GALNS: variants seen among roughly 807,000 people sequenced by gnomAD.
The protein encoded by GALNS is galactosamine (N-acetyl)-6-sulfatase.
GALNS carries 65 observed loss-of-function variants against 65.9 expected under a neutral mutation model. That is an observed-to-expected ratio of 0.99 (90% CI 0.81 to 1.21). The LOEUF is 1.21. Among genes scored for constraint, GALNS ranks in the 50% most tolerant of loss-of-function variants. The pLI is 0.00. For synonymous variants in GALNS, 346 were observed against 288.9 expected (o/e 1.20, Z -2.00); for missense variants, 776 against 700.7 (o/e 1.11, Z -1.21).
At chr16:88,830,243 A>C (rs1215302277) in intron 9 of GALNS, among the ~76,000 whole-genome samples, 3 of 150,468 alleles carry the variant, frequency 2.0e-5, no homozygotes, top group Non-Finnish European at 3.0e-5. Context: ...AAAAAAAAAA[A>C]AAAAAAAAAA....
chr16:88,827,278 C>T (rs572541009), intron 9 of GALNS, among the ~76,000 whole-genome samples: 9 of 152,260 alleles, frequency 5.9e-5, no homozygotes, highest in Non-Finnish European at 8.8e-5. Context: ...GGAGCAGCTC[C>T]GAGTGGCTGG....
rs1254994248 is a variant in GALNS, at chr16:88,856,894, G to GCGGAGCCC, written c.-25_-18dup. On this transcript the variant is annotated 5_prime_UTR_variant, in exon 1 of 14. Coordinates refer to ENST00000268695, the MANE Select transcript of GALNS (RefSeq NM_000512.5). ...CGCCGCCATGGCAACCACGGGAGCCGCGGAGCCCCGGCCAGCGAGCCGACC... is the reference window on the plus strand; with the variant it reads ...CGCCGCCATGGCAACCACGGGAGCCGCGGAGCCCCGGAGCCCCGGCCAGCGAGCCGACC... 4 of 1,502,348 alleles carry GCGGAGCCC rather than the reference G, an allele frequency of 2.7e-6. No individual in the cohort carries two copies. Among genetic ancestry groups the GCGGAGCCC allele is most frequent in the Middle Eastern group, 2.3e-4 (1 of 4,424 alleles). The allele number at this position is 1,502,348 out of a possible 1,614,324, so 93.1% of individuals were successfully genotyped here.
intron 12 of GALNS, among the ~76,000 whole-genome samples, chr16:88,820,239 C>G (rs1449791960): frequency 6.6e-6 from 1 of 152,146 alleles, no homozygotes; most frequent in Non-Finnish European, 1.5e-5. Flanking sequence ...AGCAATTCTC[C>G]CGCCTCACCT....
chr16:88,842,851 G>A (rs372773300), intron 1 of GALNS, 22 bp from the exon 2 acceptor site: 1 of 1,611,932 alleles, frequency 6.2e-7, no homozygotes, highest in Non-Finnish European at 8.5e-7. Flanking sequence ...AGCACGGGGA[G>A]GAGGAATGAG....
intron 12 of GALNS, among the ~76,000 whole-genome samples, chr16:88,821,340 C>T (rs2142991624): frequency 6.6e-6 from 1 of 152,296 alleles, no homozygotes; most frequent in South Asian, 2.1e-4. Context: ...TGTGTCTCCT[C>T]CCTCTGGACT....
rs766548318 is a variant in GALNS, at chr16:88,832,015, G to A, written c.985C>T (p.His329Tyr). ...REPALAWWPGHVTAGQVSHQL... is the reference protein window; with the variant it reads ...REPALAWWPGYVTAGQVSHQL... ...TGACTCACCTGGCCTGCAGTGACGT[G>A]CCCTGGCCACCATGCGAGGGCAGGC... Residue 329 changes from histidine to tyrosine, a missense_variant, in exon 9 of 14, where the codon CAC becomes TAC. Transcript: ENST00000268695. 3 of 1,613,406 alleles carry A rather than the reference G, an allele frequency of 1.9e-6. No individual in the cohort carries two copies. Among genetic ancestry groups the A allele is most frequent in the South Asian group, 2.2e-5 (2 of 91,058 alleles).
At chr16:88,816,762 G>A (rs892807211) in intron 13 of GALNS, 91 of 985,354 alleles carry the variant, frequency 9.2e-5, no homozygotes, top group Non-Finnish European at 1.0e-4. Flanking sequence ...CTCCCACGCT[G>A]CAGCCGGGTC....
chr16:88,849,176 G>A (rs542319302), intron 1 of GALNS, among the ~76,000 whole-genome samples: 3 of 152,318 alleles, frequency 2.0e-5, no homozygotes, highest in South Asian at 2.1e-4. Context: ...GTACAGTGGC[G>A]CGATCTTGGC....
Position 88,831,984 on chromosome 16 carries a change from G to GA in GALNS, c.1002+13_1002+14insT. The GA allele has an allele frequency of 1.2e-6, 2 of 1,609,176 alleles. No homozygotes were observed. The highest frequency in any genetic ancestry group is 1.7e-6 in the Non-Finnish European group (2 of 1,176,594). ...TGGACCTGCTGCCCGGCAGACCGGTGGACGCTGACTCACCTGGCCTGCAGT... is the reference window on the plus strand; with the variant it reads ...TGGACCTGCTGCCCGGCAGACCGGTGAGACGCTGACTCACCTGGCCTGCAGT... On this transcript the variant is annotated intron_variant, in intron 9 of 13. Coordinates refer to ENST00000268695, the MANE Select transcript of GALNS (RefSeq NM_000512.5).
chr16:88,827,243 G>A (rs988156210), intron 9 of GALNS: 2 of 248,906 alleles, frequency 8.0e-6, no homozygotes, highest in Admixed American at 4.9e-5. Flanking sequence ...AAAACCAGAT[G>A]TGGAGGGGCA....
At chr16:88,818,768 T>C (rs1211640305) in intron 12 of GALNS, among the ~76,000 whole-genome samples, 1 of 152,258 alleles carries the variant, frequency 6.6e-6, no homozygotes, top group Non-Finnish European at 1.5e-5. Context: ...TTCACCATTT[T>C]CAATCACTTC....
At chr16:88,855,730 T>A (rs779505091) in intron 1 of GALNS, 1 of 572,644 alleles carries the variant, frequency 1.7e-6, no homozygotes, top group Non-Finnish European at 3.1e-6. Flanking sequence ...TATTTTACAC[T>A]ACCAGCACCT....
At chr16:88,850,572 C>T (rs1276591560) in intron 1 of GALNS, among the ~76,000 whole-genome samples, 1 of 152,136 alleles carries the variant, frequency 6.6e-6, no homozygotes, top group Non-Finnish European at 1.5e-5. Context: ...CAAGGGAGCA[C>T]TCTCGCTGGG....
Position 88,826,731 on chromosome 16 carries a change from G to A in GALNS, c.1110C>T (p.Pro370=), listed in dbSNP as rs1161915851. The A allele has an allele frequency of 2.7e-5, 43 of 1,612,560 alleles. No homozygotes were observed. Among genetic ancestry groups the A allele is most frequent in the African/African-American group, 5.3e-5 (4 of 75,040 alleles). ...CCATCAGCCGGCCCTGCAGGAGGGTGGGGAGGAGGTTGAGGCCATCAATGG... is the reference window on the plus strand; with the variant it reads ...CCATCAGCCGGCCCTGCAGGAGGGTAGGGAGGAGGTTGAGGCCATCAATGG... ...DRAIDGLNLL[P]TLLQGRLMDR... Residue 370 remains proline, a synonymous_variant, in exon 10 of 14, where the codon CCC becomes CCT. Transcript: ENST00000268695.
chr16:88,850,709 G>A (rs1367887556), intron 1 of GALNS, among the ~76,000 whole-genome samples: 3 of 152,212 alleles, frequency 2.0e-5, no homozygotes, highest in Non-Finnish European at 2.9e-5. Context: ...CTCCCCAGGC[G>A]GAGCCACACG....
In GALNS at chr16:88,838,378, G is replaced by A. The variant is rs149580069; in HGVS notation, c.423-613C>T. Among the ~76,000 whole-genome samples the A allele has an allele frequency of 8.1e-3, 1,231 of 151,584 alleles. 15 individuals are homozygous for A. Among genetic ancestry groups the A allele is most frequent in the African/African-American group, 0.029 (1,185 of 40,920 alleles). On this transcript the variant is annotated intron_variant, in intron 4 of 13. Transcript: ENST00000268695. ...TGGCAGAGGCAGGGATTAGAGTGAC[G>A]ACAAGAGAACGTGACAGTGTGGCCA...
Position 88,856,941 on chromosome 16 carries a change from T to A in GALNS, c.-64A>T. ...GACCTAGCGAGCGTCCGCCGGCCCT[T>A]CCGGCTGGGCTGCGGGGCGGGGCCT... On this transcript the variant is annotated 5_prime_UTR_variant, in exon 1 of 14. Transcript: ENST00000268695. 1.4e-6 allele frequency: 2 copies of A among 1,461,216 alleles called. No homozygotes were observed. Among genetic ancestry groups the A allele is most frequent in the South Asian group, 1.3e-5 (1 of 75,020 alleles). The allele number at this position is 1,461,216 out of a possible 1,614,324, so 90.5% of individuals were successfully genotyped here.
chr16:88,838,036 G>A (rs1458501514), intron 4 of GALNS: 7 of 469,048 alleles, frequency 1.5e-5, no homozygotes, highest in Non-Finnish European at 2.7e-5. Context: ...GGTGAAGGGT[G>A]GTGCATCGTG....
At position 88,814,321 on chromosome 16, in the gene GALNS, G is replaced by A. The variant is rs1335059967; in HGVS notation, c.*118C>T. ...ATTGTGCAGTCCCCCTGCGTCTGCA[G>A]GTGCTGTCTGTCTGGCTTGGGCAGG... On this transcript the variant is annotated 3_prime_UTR_variant, in exon 14 of 14. Coordinates refer to ENST00000268695, the MANE Select transcript of GALNS (RefSeq NM_000512.5). The A allele has an allele frequency of 1.5e-6, 2 of 1,343,386 alleles. No individual in the cohort carries two copies. Among genetic ancestry groups the A allele is most frequent in the East Asian group, 2.5e-5 (1 of 39,794 alleles). 83.2% of individuals were successfully genotyped at this position (1,343,386 alleles called of 1,614,324 possible).
Sources: gnomAD v4.1 joint callset for allele counts (sites outside exome capture counted in the v4.1 genomes callset) on GRCh38, gnomAD v4.1.1 for gene constraint, MANE v1.5 for transcripts, NCBI Gene and HGNC (gene_info 2026-07-23, HGNC 2026-07-21) for gene names.